OR2T12: variants seen among roughly 807,000 people sequenced by gnomAD.
OR2T12 encodes the protein olfactory receptor family 2 subfamily T member 12.
For synonymous variants in OR2T12, 127 were observed against 160.5 expected, an observed-to-expected ratio of 0.79 and a Z score of 1.58; for missense variants, 335 against 404.3, an observed-to-expected ratio of 0.83 and a Z score of 1.47.
At chr1:248,297,434 T>G (rs1315026102) in intron 2 of OR2T12, among the ~76,000 whole-genome samples, 1 of 151,816 alleles carries the variant, frequency 6.6e-6, no homozygotes, top group Non-Finnish European at 1.5e-5. Flanking sequence ...AATCTATAAA[T>G]TACCTTGGGC....
Position 248,294,179 on chromosome 1 carries a change from G to A in OR2T12, c.*437C>T, listed in dbSNP as rs116779899. ...ACTTTTTAATATTTCTGTTCTATGT[G>A]AAATTAGGAACCATATTTAACTTTC... On this transcript the variant is annotated 3_prime_UTR_variant, in exon 3 of 3. Transcript: ENST00000641276. The A allele has an allele frequency of 0.03, 4,762 of 160,358 alleles. 270 individuals are homozygous for A. The highest frequency in any genetic ancestry group is 0.11 in the African/African-American group (4,443 of 41,550). 9.9% of individuals were successfully genotyped at this position (160,358 alleles called of 1,614,324 possible). A position where few individuals can be genotyped will look rare whatever the true frequency, so the allele number is the denominator to read the frequency against.
At position 248,293,421 on chromosome 1, in the gene OR2T12, T is replaced by C. The variant is rs1171041697; in HGVS notation, c.*1195A>G. On this transcript the variant is annotated 3_prime_UTR_variant, in exon 3 of 3. Transcript: ENST00000641276. ...TGTTTTACATATGGGAAATATAGCC[T>C]TTATCATAAAACTCTCTAAGACAAT... 4 of 152,144 alleles carry C rather than the reference T, an allele frequency of 2.6e-5. No individual in the cohort carries two copies. The highest frequency in any genetic ancestry group is 5.9e-5 in the Non-Finnish European group (4 of 67,986). 9.4% of individuals were successfully genotyped at this position (152,144 alleles called of 1,614,324 possible).
chr1:248,295,261 A>G lies in OR2T12; in HGVS notation c.318T>C (p.Gly106=), dbSNP rs368393971. The stretch of plus-strand genomic sequence containing the variant: ...CTGCTAAGAGGAAGCACTCTCCACC[A>G]CCCAGTGTGGGGAGGAAGAAGATCT... ...GVQIFFLPTL[G]GGECFLLAAM... The change falls in exon 3 of 3, where the codon GGT becomes GGC. Residue 106 remains glycine (G), a synonymous_variant. Coordinates refer to ENST00000641276, the MANE Select transcript of OR2T12 (RefSeq NM_001004692.2). 1.1e-4 allele frequency: 172 copies of G among 1,607,600 alleles called. 1 individual carries two copies. In the African/African-American group the frequency reaches 1.9e-3, roughly 17 times the overall value.
rs946989181 is a variant in OR2T12, at chr1:248,294,672, G to C, written c.907C>G (p.Leu303Val). 5 of 1,613,964 alleles carry C rather than the reference G, an allele frequency of 3.1e-6. No homozygotes were observed. The African/African-American group carries it at 6.7e-5, about 22-fold the overall frequency. ...SEVKEALKRWLGTCVNLKHQQ... is the reference protein window; with the variant it reads ...SEVKEALKRWVGTCVNLKHQQ... ...TGTTTTAGGTTTACACACGTCCCCA[G>C]CCACCGTTTCAGGGCTTCCTTGACC... is the stretch of plus-strand genomic sequence containing the variant. Residue 303 changes from leucine to valine, a missense_variant, in exon 3 of 3, where the codon CTG (leucine) becomes GTG (valine). Physicochemically the swap from Leu to Val is conservative, Grantham distance 32 (BLOSUM62 1). Transcript: ENST00000641276.
At chr1:248,296,838 G>A (rs533832367) in intron 2 of OR2T12, among the ~76,000 whole-genome samples, 29 of 152,284 alleles carry the variant, frequency 1.9e-4, no homozygotes, top group South Asian at 6.2e-4. Flanking sequence ...CTTTTGCTGT[G>A]CAGAAGCTCT....
chr1:248,295,739 T>C (rs968311967), intron 2 of OR2T12, 153 bp from the exon 3 acceptor site: 16 of 965,962 alleles, frequency 1.7e-5, no homozygotes, highest in Non-Finnish European at 2.5e-5. Flanking sequence ...CAGCTTTTCC[T>C]GACCTGGCAT....
intron 2 of OR2T12, among the ~76,000 whole-genome samples, chr1:248,298,788 C>G (rs1181503631): frequency 6.6e-6 from 1 of 150,908 alleles, no homozygotes; most frequent in African/African-American, 2.4e-5. Context: ...TTTGTTGATC[C>G]TTTCAAAAAA....
At chr1:248,298,768 G>T (rs1397987643) in intron 2 of OR2T12, among the ~76,000 whole-genome samples, 6 of 151,038 alleles carry the variant, frequency 4.0e-5, no homozygotes, top group Admixed American at 2.0e-4. Flanking sequence ...CATGCTAGCG[G>T]TCTATCAATT....
At position 248,294,678 on chromosome 1, in the gene OR2T12, G is replaced by T; in HGVS notation, c.901C>A (p.Arg301=). 1 of 1,614,104 alleles carries T rather than the reference G, an allele frequency of 6.2e-7. No homozygotes were observed. Among genetic ancestry groups the T allele is most frequent in the Non-Finnish European group, 8.5e-7 (1 of 1,180,030 alleles). Residue 301 remains arginine, a synonymous_variant, in exon 3 of 3, where the codon CGG becomes AGG. Coordinates refer to ENST00000641276, the MANE Select transcript of OR2T12 (RefSeq NM_001004692.2). ...RNSEVKEALK[R]WLGTCVNLKH... ...AGGTTTACACACGTCCCCAGCCACC[G>T]TTTCAGGGCTTCCTTGACCTCACTG...
chr1:248,299,199 T>G (rs572025842), intron 2 of OR2T12, among the ~76,000 whole-genome samples: 5 of 152,124 alleles, frequency 3.3e-5, no homozygotes, highest in Non-Finnish European at 7.4e-5. Context: ...TAACTTTAAA[T>G]GTAAATGGGC....
In OR2T12 at chr1:248,301,263, A is replaced by C. The variant is rs1413348136; in HGVS notation, c.-9+110T>G. On this transcript the variant is annotated intron_variant, in intron 2 of 2. Coordinates refer to ENST00000641276, the MANE Select transcript of OR2T12 (RefSeq NM_001004692.2). ...CCCTATGCCTTCTATATTAAGATCCATGTGAACATTTATTCAATAAAATTC... is the reference window on the plus strand; with the variant it reads ...CCCTATGCCTTCTATATTAAGATCCCTGTGAACATTTATTCAATAAAATTC... The C allele has an allele frequency of 2.0e-5, 3 of 152,242 alleles. No homozygotes were observed. In the East Asian group the frequency reaches 5.8e-4, roughly 29 times the overall value. The allele number at this position is 152,242 out of a possible 1,614,324, so 9.4% of individuals were successfully genotyped here. A position where few individuals can be genotyped will look rare whatever the true frequency, so the allele number is the denominator to read the frequency against.
chr1:248,297,403 A>T (rs965385651), intron 2 of OR2T12, among the ~76,000 whole-genome samples: 6 of 151,912 alleles, frequency 3.9e-5, no homozygotes, highest in Admixed American at 2.0e-4. Flanking sequence ...AGTCATTGGT[A>T]CCTTGATGGG....
rs1293868134 is a variant in OR2T12 at position 248,293,476 on chromosome 1, C to T, written c.*1140G>A. The T allele has an allele frequency of 6.6e-6, 1 of 152,122 alleles. No individual in the cohort carries two copies. Among genetic ancestry groups the T allele is most frequent in the Admixed American group, 6.6e-5 (1 of 15,262 alleles). The allele number at this position is 152,122 out of a possible 1,614,324, so 9.4% of individuals were successfully genotyped here. A position where few individuals can be genotyped will look rare whatever the true frequency, so the allele number is the denominator to read the frequency against. ...TATCCAGTCTCTGATTACAATTTGGCTTTGATAACCACTGCTTTCCTCCAT... is the reference window on the plus strand; with the variant it reads ...TATCCAGTCTCTGATTACAATTTGGTTTTGATAACCACTGCTTTCCTCCAT... On this transcript the variant is annotated 3_prime_UTR_variant, in exon 3 of 3. Transcript: ENST00000641276.
In OR2T12 at chr1:248,294,020, AT is replaced by A. The variant is rs1659673771; in HGVS notation, c.*595del. 1 of 152,234 alleles carries A rather than the reference AT, an allele frequency of 6.6e-6. No individual in the cohort carries two copies. The highest frequency in any genetic ancestry group is 2.4e-5 in the African/African-American group (1 of 41,464). The allele number at this position is 152,234 out of a possible 1,614,324, so 9.4% of individuals were successfully genotyped here. ...CTATATTTTAAAATATAACTTAAAA[AT>A]AATGTTATTTGTCTTTGGTGGAGTC... On this transcript the variant is annotated 3_prime_UTR_variant, in exon 3 of 3. Coordinates refer to ENST00000641276, the MANE Select transcript of OR2T12 (RefSeq NM_001004692.2).
rs141694594 is a variant in OR2T12, at chr1:248,295,142, G to C, written c.437C>G (p.Ser146Cys). 4.4e-3 allele frequency: 6,804 copies of C among 1,540,976 alleles called. 160 individuals are homozygous for C. The African/African-American group carries it at 0.057, about 13-fold the overall frequency. Residue 146 changes from serine (S) to cysteine (C), a missense_variant, in exon 3 of 3, where the codon TCC (serine) becomes TGC (cysteine). Physicochemically the swap from Ser to Cys is moderately radical, Grantham distance 112. Transcript: ENST00000641276. Reference sequence around the variant, plus strand: ...GCCGTCAGCTGCACCCAGGAGCCAGGACGACATGGTCATCCTCAGGCACAG... The same window carrying C: ...GCCGTCAGCTGCACCCAGGAGCCAGCACGACATGGTCATCCTCAGGCACAG... Reference protein sequence around the residue: ...WQLCLRMTMSSWLLGAADGLL... With the variant: ...WQLCLRMTMSCWLLGAADGLL...
rs187147519 is a variant in OR2T12 at position 248,295,698 on chromosome 1, C to A, written c.-8-112G>T. On this transcript the variant is annotated intron_variant, in intron 2 of 2. Coordinates refer to ENST00000641276, the MANE Select transcript of OR2T12 (RefSeq NM_001004692.2). ...ATGTACTGGATATGTTATCCCAGGT[C>A]GTGATTCAAAGCCCTGACTCCCAGT... 426 of 1,429,274 alleles carry A rather than the reference C, an allele frequency of 3.0e-4. 1 individual carries two copies. Among genetic ancestry groups the A allele is most frequent in the Non-Finnish European group, 3.8e-4 (406 of 1,060,070 alleles). The allele number at this position is 1,429,274 out of a possible 1,614,324, so 88.5% of individuals were successfully genotyped here.
intron 2 of OR2T12, among the ~76,000 whole-genome samples, chr1:248,299,396 A>C (rs947236514): frequency 3.1e-4 from 47 of 152,202 alleles, no homozygotes; most frequent in African/African-American, 1.1e-3. Flanking sequence ...CTAGTCTCTG[A>C]TAAAACAGAC....
intron 2 of OR2T12, among the ~76,000 whole-genome samples, chr1:248,296,926 C>A (rs1245083670): frequency 3.3e-5 from 5 of 152,178 alleles, no homozygotes; most frequent in Non-Finnish European, 7.3e-5. Flanking sequence ...GAAGTCCTTG[C>A]CCGTGCCTAT....
rs145268248 is a variant in OR2T12, at chr1:248,295,471, G to A, written c.108C>T (p.Ser36=). The change falls in exon 3 of 3, where the codon TCC becomes TCT. Residue 36 remains serine (S), a synonymous_variant. Transcript: ENST00000641276. ...GAATCATGAGGGCATTGCTAAACAG[G>A]GAGGTCAAAACGGTGGCCAGAAGCA... ...FMMLLATVLT[S]LFSNALMILL... 30 of 1,612,786 alleles carry A rather than the reference G, an allele frequency of 1.9e-5. No individual in the cohort carries two copies. The East Asian group carries it at 3.6e-4, about 19-fold the overall frequency.
Sources: allele counts gnomAD v4.1 joint callset (sites outside exome capture counted in the v4.1 genomes callset), GRCh38; gene constraint gnomAD v4.1.1; transcripts MANE v1.5; gene names NCBI Gene and HGNC (gene_info 2026-07-23, HGNC 2026-07-21).